Variants in KCNG2 observed in about 807,000 individuals in gnomAD.
KCNG2 encodes the protein potassium voltage-gated channel modifier subfamily G member 2.
A neutral mutation model predicts 12.3 loss-of-function variants in KCNG2; 7 were observed. The observed-to-expected ratio is 0.57, with a 90% CI of 0.32 to 1.07. KCNG2 has a LOEUF of 1.07. Ranked by LOEUF, KCNG2 falls within the 50% of genes least tolerant of loss-of-function variation. The probability of loss-of-function intolerance (pLI) is 0.04; values close to 1 mark genes in which losing one functional copy is unlikely to be tolerated. For synonymous variants in KCNG2, 414 were observed against 351.4 expected (o/e 1.18, Z -1.99); for missense variants, 703 against 726.0 (o/e 0.97, Z 0.36).
At chr18:79,819,887 C>T (rs1468792340) in intron 1 of KCNG2, among the ~76,000 whole-genome samples, 1 of 152,242 alleles carries the variant, frequency 6.6e-6, no homozygotes, top group African/African-American at 2.4e-5. Context: ...CTGGTAAGGT[C>T]CACTCTGCTT....
At chr18:79,883,440 C>CA (rs1289517087) in intron 3 of KCNG2, among the ~76,000 whole-genome samples, 5 of 152,268 alleles carry the variant, frequency 3.3e-5, no homozygotes, top group Admixed American at 3.3e-4. Context: ...CGTTCCCTGA[C>CA]AACTCCCCAA....
In KCNG2 at chr18:79,804,818, G is replaced by T. The variant is rs114428233; in HGVS notation, c.-115+6804G>T. 2.0e-3 allele frequency among the ~76,000 whole-genome samples: 298 copies of T among 152,254 alleles called. 1 individual carries two copies. Among genetic ancestry groups the T allele is most frequent in the African/African-American group, 6.8e-3 (284 of 41,548 alleles). ...AAAGCAGTACACTTTTATCACAGAA[G>T]ACTTGGAAATGAAAATTAAAAAGAA... On this transcript the variant is annotated intron_variant, in intron 1 of 3. Transcript: ENST00000316249.
intron 1 of KCNG2, among the ~76,000 whole-genome samples, chr18:79,855,889 T>C (rs1978991752): frequency 6.6e-6 from 1 of 152,162 alleles, no homozygotes; most frequent in South Asian, 2.1e-4. Flanking sequence ...AAATTGAGCA[T>C]TTTTTCATAT....
In KCNG2 at chr18:79,800,685, G is replaced by C. The variant is rs1224973296; in HGVS notation, c.-115+2671G>C. 6.6e-6 allele frequency among the ~76,000 whole-genome samples: 1 copy of C among 152,240 alleles called. No homozygotes were observed. Among genetic ancestry groups the C allele is most frequent in the Non-Finnish European group, 1.5e-5 (1 of 68,048 alleles). ...CAGGAGCCTCAGCAGTTCCTTCCCC[G>C]GGCGGGCGGCGCTGAGCAGACGGGA... On this transcript the variant is annotated intron_variant, in intron 1 of 3. Transcript: ENST00000316249. This position sits in a 1 kb window ranked among gnomAD's most constrained non-coding sequence, Gnocchi z 4.0.
chr18:79,868,413 A>G (rs1379863987), intron 3 of KCNG2, among the ~76,000 whole-genome samples: 1 of 151,814 alleles, frequency 6.6e-6, no homozygotes, highest in Non-Finnish European at 1.5e-5. Context: ...TCCGGTTAAG[A>G]AGCAGTCGCC....
chr18:79,870,071 C>A (rs1979770497), intron 3 of KCNG2, among the ~76,000 whole-genome samples: 1 of 152,208 alleles, frequency 6.6e-6, no homozygotes, highest in South Asian at 2.1e-4. Flanking sequence ...CTCGTGCTCC[C>A]CATTGCCCTC....
chr18:79,805,209 C>T (rs546341289), intron 1 of KCNG2, among the ~76,000 whole-genome samples: 22 of 152,338 alleles, frequency 1.4e-4, no homozygotes, highest in African/African-American at 4.3e-4. Context: ...TATGCCAGGT[C>T]GTTTCTCGGG....
intron 1 of KCNG2, among the ~76,000 whole-genome samples, chr18:79,801,829 G>C (rs901228990): frequency 6.6e-6 from 1 of 152,232 alleles, no homozygotes; most frequent in Non-Finnish European, 1.5e-5. Context: ...GGGCTCCTGT[G>C]CCCCCAGCAG....
At chr18:79,889,466 G>A (rs971783590) in intron 3 of KCNG2, among the ~76,000 whole-genome samples, 3 of 130,358 alleles carry the variant, frequency 2.3e-5, no homozygotes, top group African/African-American at 7.4e-5. Flanking sequence ...CAAAGTGTAA[G>A]TTTTTTTGTT....
intron 1 of KCNG2, among the ~76,000 whole-genome samples, chr18:79,854,940 C>T (rs1174432145): frequency 6.6e-6 from 1 of 152,170 alleles, no homozygotes; most frequent in Non-Finnish European, 1.5e-5. Flanking sequence ...CAGTCCTCAG[C>T]GTGAGATCTT....
intron 3 of KCNG2, among the ~76,000 whole-genome samples, chr18:79,883,979 G>C (rs1202470270): frequency 6.6e-6 from 1 of 152,052 alleles, no homozygotes; most frequent in African/African-American, 2.4e-5. Context: ...GGTGTGCCTG[G>C]GTGGGGACCG....
At chr18:79,879,339 C>T (rs568783041) in intron 3 of KCNG2, among the ~76,000 whole-genome samples, 17 of 152,288 alleles carry the variant, frequency 1.1e-4, no homozygotes, top group African/African-American at 4.1e-4. Flanking sequence ...AGTTTAGCGC[C>T]CCCGTCTCGA....
At chr18:79,858,076 C>G (rs1489879333) in intron 2 of KCNG2, among the ~76,000 whole-genome samples, 1 of 152,236 alleles carries the variant, frequency 6.6e-6, no homozygotes, top group Non-Finnish European at 1.5e-5. Flanking sequence ...TCTTGTCTCA[C>G]TGCAACCTCT....
rs1165812050 is a variant in KCNG2 at position 79,898,490 on chromosome 18, CAGG to C, written c.625-547_625-545del. Among the ~76,000 whole-genome samples the C allele has an allele frequency of 2.0e-5, 3 of 152,326 alleles. No homozygotes were observed. In the East Asian group the frequency reaches 5.8e-4, roughly 30 times the overall value. On this transcript the variant is annotated intron_variant, in intron 3 of 3. Transcript: ENST00000316249. Reference sequence around the variant, plus strand: ...ACCGGACTCCCCAAGGACGTAGCCCCAGGAGCTGAGGGCGGAATGTGAGATGCT... The same window carrying C: ...ACCGGACTCCCCAAGGACGTAGCCCCAGCTGAGGGCGGAATGTGAGATGCT...
intron 3 of KCNG2, among the ~76,000 whole-genome samples, chr18:79,879,949 A>C (rs902911018): frequency 4.6e-5 from 7 of 152,234 alleles, no homozygotes; most frequent in African/African-American, 1.7e-4. Flanking sequence ...GAAACCATAA[A>C]ACTTCAGGAG....
At chr18:79,827,923 C>T (rs1379806709) in intron 1 of KCNG2, among the ~76,000 whole-genome samples, 2 of 129,690 alleles carry the variant, frequency 1.5e-5, no homozygotes, top group African/African-American at 5.4e-5. Context: ...TTCTTTCTTT[C>T]TTTCTTTTTT....
chr18:79,882,357 C>A (rs1021406589), intron 3 of KCNG2, among the ~76,000 whole-genome samples: 1 of 151,612 alleles, frequency 6.6e-6, no homozygotes, highest in Non-Finnish European at 1.5e-5. Context: ...TAAAAAAATT[C>A]TTTTGACTTT....
chr18:79,815,274 A>G (rs1228641270), intron 1 of KCNG2, among the ~76,000 whole-genome samples: 1 of 151,998 alleles, frequency 6.6e-6, no homozygotes, highest in East Asian at 1.9e-4. Flanking sequence ...TGCTCTCTCT[A>G]CAAAAAAATA....
chr18:79,895,405 CTTCTT>C, intron 3 of KCNG2, among the ~76,000 whole-genome samples: 1 of 151,414 alleles, frequency 6.6e-6, no homozygotes, highest in East Asian at 2.0e-4. Context: ...GGGTCTGTGT[CTTCTT>C]TTGATTGCAT....
Sources: allele counts gnomAD v4.1 joint callset (sites outside exome capture counted in the v4.1 genomes callset), GRCh38; gene constraint gnomAD v4.1.1; non-coding constraint Gnocchi (gnomAD v3.1); transcripts MANE v1.5; gene names NCBI Gene and HGNC (gene_info 2026-07-23, HGNC 2026-07-21).